Variants in FBXO34 observed in about 807,000 individuals in gnomAD.
The protein encoded by FBXO34 is F-box only protein 34.
In FBXO34, 12 loss-of-function variants were observed where a neutral mutation model predicts 24.5. The ratio of observed to expected loss-of-function variants is 0.49; its 90% confidence interval spans 0.31 to 0.79. The LOEUF is 0.79. Among genes scored for constraint, FBXO34 ranks in the 30% least tolerant of loss-of-function variants. The probability of loss-of-function intolerance (pLI) is 0.04; values close to 1 mark genes in which losing one functional copy is unlikely to be tolerated. For missense variants in FBXO34, 823 were observed against 857.7 expected (o/e 0.96, Z 0.51); for synonymous variants, 320 against 311.9 (o/e 1.03, Z -0.27).
At chr14:55,277,934 A>C (rs1465084445) in intron 1 of FBXO34, among the ~76,000 whole-genome samples, 1 of 152,084 alleles carries the variant, frequency 6.6e-6, no homozygotes, top group Non-Finnish European at 1.5e-5. Context: ...AAGATATGTA[A>C]ACTTTGAGCG....
intron 1 of FBXO34, among the ~76,000 whole-genome samples, chr14:55,322,434 A>G (rs190913588): frequency 1.6e-4 from 25 of 152,298 alleles, no homozygotes; most frequent in African/African-American, 5.8e-4. Flanking sequence ...ATGCTAAAGT[A>G]TTGTCTCTCT....
At chr14:55,289,169 C>G (rs952293596) in intron 1 of FBXO34, among the ~76,000 whole-genome samples, 1 of 151,904 alleles carries the variant, frequency 6.6e-6, no homozygotes, top group African/African-American at 2.4e-5. Context: ...GAGTTCTTAG[C>G]CTTCTCTTTT....
Position 55,331,767 on chromosome 14 carries a change from A to G in FBXO34, c.-10-18614A>G, listed in dbSNP as rs868653354. Among the ~76,000 whole-genome samples the G allele has an allele frequency of 3.8e-5, 3 of 78,962 alleles. 1 individual carries two copies. Among genetic ancestry groups the G allele is most frequent in the Non-Finnish European group, 4.8e-5 (2 of 41,744 alleles). The allele number at this position is 78,962 out of a possible 152,430, so 51.8% of individuals were successfully genotyped here. On this transcript the variant is annotated intron_variant, in intron 1 of 1. Coordinates refer to ENST00000313833, the MANE Select transcript of FBXO34 (RefSeq NM_017943.4). ...TGTGTATATATATATATATGTATAT[A>G]TATATATATATACCACCATGGTGTA...
chr14:55,329,194 A>C (rs1883453020), intron 1 of FBXO34, among the ~76,000 whole-genome samples: 1 of 131,000 alleles, frequency 7.6e-6, no homozygotes, highest in African/African-American at 2.6e-5. Context: ...ATATTGTCCC[A>C]GTCTTAAAAT....
intron 1 of FBXO34, among the ~76,000 whole-genome samples, chr14:55,290,355 G>A (rs1329631594): frequency 6.6e-6 from 1 of 151,536 alleles, no homozygotes; most frequent in African/African-American, 2.4e-5. Flanking sequence ...TCGAGCCATT[G>A]CACTCAAGCC....
intron 1 of FBXO34, among the ~76,000 whole-genome samples, chr14:55,281,730 T>G (rs1881549993): frequency 6.6e-6 from 1 of 152,220 alleles, no homozygotes; most frequent in Non-Finnish European, 1.5e-5. Flanking sequence ...ATTTCTATGG[T>G]GTATATTGAG....
the FBXO34 span, among the ~76,000 whole-genome samples, chr14:55,423,704 A>G: frequency 6.6e-6 from 1 of 152,248 alleles, no homozygotes; most frequent in Non-Finnish European, 1.5e-5. Flanking sequence ...ATTCCTTTAT[A>G]TAATGTAACA....
At chr14:55,407,951 A>T in the FBXO34 span, among the ~76,000 whole-genome samples, 2,537 of 152,244 alleles carry the variant, frequency 0.017, 29 homozygotes, top group Non-Finnish European at 0.026. Flanking sequence ...CCATTGGTGG[A>T]AGTTTCATGT....
the FBXO34 span, chr14:55,414,424 T>G: frequency 6.2e-7 from 1 of 1,609,092 alleles, no homozygotes; most frequent in Non-Finnish European, 8.5e-7. Flanking sequence ...TGTTTTCAAA[T>G]GCTTCATAGA....
At chr14:55,431,599 A>G in the FBXO34 span, among the ~76,000 whole-genome samples, 1 of 152,356 alleles carries the variant, frequency 6.6e-6, no homozygotes, top group East Asian at 1.9e-4. Context: ...ATCACTTTAA[A>G]ATGGAGATTC....
chr14:55,343,395 C>T (rs1379780707), intron 1 of FBXO34, among the ~76,000 whole-genome samples: 3 of 152,012 alleles, frequency 2.0e-5, no homozygotes, highest in Non-Finnish European at 2.9e-5. Flanking sequence ...GGATTACAGG[C>T]GCATGCCACC....
intron 1 of FBXO34, among the ~76,000 whole-genome samples, chr14:55,322,456 A>G (rs1313572088): frequency 1.3e-5 from 2 of 152,162 alleles, no homozygotes; most frequent in Non-Finnish European, 2.9e-5. Flanking sequence ...CTCCCCCACC[A>G]TTGGCTTCAG....
intron 3 of FBXO34, among the ~76,000 whole-genome samples, chr14:55,359,555 T>C (rs1245740720): frequency 6.6e-6 from 1 of 152,240 alleles, no homozygotes; most frequent in Non-Finnish European, 1.5e-5. Flanking sequence ...TGCTGGTGTA[T>C]GGTTTGCCTC....
Position 55,351,632 on chromosome 14 carries a change from AC to A in FBXO34, c.1244del (p.Pro415LeufsTer21). The A allele has an allele frequency of 6.2e-7, 1 of 1,614,184 alleles. No individual in the cohort carries two copies. Among genetic ancestry groups the A allele is most frequent in the Non-Finnish European group, 8.5e-7 (1 of 1,180,028 alleles). ...VEMTDELVGL[P>X]FSSHTYSQAS... ...AAATGACAGATGAACTCGTTGGGTT[AC>A]CTTTTTCCTCTCATACCTATTCCCA... is the stretch of plus-strand genomic sequence containing the variant. On this transcript the variant is annotated frameshift_variant, in exon 2 of 2. Coordinates refer to ENST00000313833, the MANE Select transcript of FBXO34 (RefSeq NM_017943.4). LOFTEE classifies it high-confidence loss of function.
chr14:55,309,820 A>G (rs543482397), intron 1 of FBXO34, among the ~76,000 whole-genome samples: 16 of 152,336 alleles, frequency 1.1e-4, no homozygotes, highest in South Asian at 4.1e-4. Context: ...TTGTGACACA[A>G]AGACCACTGG....
downstream of FBXO34, among the ~76,000 whole-genome samples, chr14:55,356,040 A>G (rs1884517942): frequency 6.6e-6 from 1 of 152,132 alleles, no homozygotes; most frequent in Admixed American, 6.5e-5. Context: ...TTCTGTTAGC[A>G]CCAGTAGTAG....
intron 1 of FBXO34, among the ~76,000 whole-genome samples, chr14:55,306,979 C>T (rs1452698605): frequency 6.6e-6 from 1 of 152,164 alleles, no homozygotes; most frequent in African/African-American, 2.4e-5. Flanking sequence ...ATCATTTTTT[C>T]CTATATCCTA....
the FBXO34 span, chr14:55,411,872 T>A: frequency 3.1e-5 from 46 of 1,506,534 alleles, no homozygotes; most frequent in Non-Finnish European, 4.1e-5. Flanking sequence ...TTCAACCGGG[T>A]GCATTCTGGG....
chr14:55,327,395 G>C (rs749115774), intron 1 of FBXO34, among the ~76,000 whole-genome samples: 11 of 152,168 alleles, frequency 7.2e-5, no homozygotes, highest in Non-Finnish European at 1.3e-4. Context: ...AGATCACTCT[G>C]CCTGCGGAGT....
Sources: gnomAD v4.1 joint callset for allele counts (sites outside exome capture counted in the v4.1 genomes callset) on GRCh38, gnomAD v4.1.1 for gene constraint, MANE v1.5 for transcripts, NCBI Gene and HGNC (gene_info 2026-07-23, HGNC 2026-07-21) for gene names.